NOL4: variants seen among roughly 807,000 people sequenced by gnomAD.
NOL4 encodes cancer/testis antigen 125.
Under a neutral mutation model 75.9 loss-of-function variants are expected in NOL4, and 17 were observed. That is an observed-to-expected ratio of 0.22 (90% CI 0.15 to 0.34). The LOEUF (loss-of-function observed/expected upper bound fraction) is 0.34. Among genes scored for constraint, NOL4 ranks in the 10% least tolerant of loss-of-function variants. The pLI is 1.00. For missense variants in NOL4, 614 were observed against 793.5 expected (o/e 0.77, Z 2.72); for synonymous variants, 292 against 289.9 (o/e 1.01, Z -0.07).
At chr18:33,966,735 A>C (rs1301030498) in intron 6 of NOL4, among the ~76,000 whole-genome samples, 1 of 152,162 alleles carries the variant, frequency 6.6e-6, no homozygotes, top group East Asian at 1.9e-4. Flanking sequence ...TCTCATTTAA[A>C]ATAGCCACAC....
At chr18:33,883,208 A>G in intron 10 of NOL4, 36 bp downstream of exon 10, 3 of 1,478,040 alleles carry the variant, frequency 2.0e-6, no homozygotes, top group Non-Finnish European at 1.8e-6. Flanking sequence ...AAGTATAATA[A>G]TTAAAAAAAA....
chr18:34,097,099 C>T (rs2078822596), intron 4 of NOL4, among the ~76,000 whole-genome samples: 1 of 152,150 alleles, frequency 6.6e-6, no homozygotes. Context: ...ACCAGTCCTG[C>T]CTATTAACAA....
At chr18:33,977,537 A>T (rs1045041640) in intron 6 of NOL4, among the ~76,000 whole-genome samples, 1 of 152,126 alleles carries the variant, frequency 6.6e-6, no homozygotes, top group African/African-American at 2.4e-5. Flanking sequence ...GTGGAACTGT[A>T]AGTACATTAA....
intron 6 of NOL4, among the ~76,000 whole-genome samples, chr18:33,975,103 G>T (rs993555673): frequency 2.0e-5 from 3 of 152,148 alleles, no homozygotes; most frequent in Non-Finnish European, 4.4e-5. Flanking sequence ...CTTACGTGAG[G>T]TATCTAGACC....
At chr18:33,932,126 T>C (rs983210283) in intron 9 of NOL4, among the ~76,000 whole-genome samples, 2 of 152,092 alleles carry the variant, frequency 1.3e-5, no homozygotes, top group African/African-American at 4.8e-5. Context: ...TTTAGTGCCA[T>C]AGTATCCCCA....
intron 1 of NOL4, 129 bp downstream of exon 1, chr18:34,222,861 G>A: frequency 8.0e-7 from 1 of 1,243,860 alleles, no homozygotes; most frequent in Non-Finnish European, 1.1e-6. Context: ...TGGGGAGGGG[G>A]TTGAGGAAGG....
chr18:34,102,579 G>A lies in NOL4; in HGVS notation c.639+1468C>T, dbSNP rs573807764. 2.0e-5 allele frequency among the ~76,000 whole-genome samples: 3 copies of A among 152,024 alleles called. No homozygotes were observed. The South Asian group carries it at 6.2e-4, about 32-fold the overall frequency. ...TTCTAATCTAGTTATAAATTTTAAA[G>A]GATCTATTTCTTTTGTGTAAAATAC... is the stretch of plus-strand genomic sequence containing the variant. On this transcript the variant is annotated intron_variant, in intron 4 of 10. Transcript: ENST00000261592.
At chr18:34,028,514 A>G (rs1222626960) in intron 5 of NOL4, among the ~76,000 whole-genome samples, 1 of 152,234 alleles carries the variant, frequency 6.6e-6, no homozygotes, top group Non-Finnish European at 1.5e-5. Flanking sequence ...CCCAGGCTGA[A>G]ACTGCCAAGG....
intron 1 of NOL4, among the ~76,000 whole-genome samples, chr18:34,148,528 G>A (rs947657270): frequency 6.6e-6 from 1 of 152,080 alleles, no homozygotes; most frequent in Admixed American, 6.6e-5. Flanking sequence ...ACAGTTTTGA[G>A]TGAGTTTCTT....
intron 9 of NOL4, among the ~76,000 whole-genome samples, chr18:33,889,032 A>C (rs1408758046): frequency 6.6e-6 from 1 of 152,124 alleles, no homozygotes; most frequent in Non-Finnish European, 1.5e-5. Context: ...GCAGAAATGA[A>C]GGAGATAGAG....
At chr18:33,894,611 C>A (rs2144876558) in intron 9 of NOL4, among the ~76,000 whole-genome samples, 1 of 152,224 alleles carries the variant, frequency 6.6e-6, no homozygotes, top group South Asian at 2.1e-4. Flanking sequence ...GCCAAAGTCA[C>A]CGCAGGATAC....
intron 10 of NOL4, among the ~76,000 whole-genome samples, chr18:33,861,058 G>A (rs1439951603): frequency 3.5e-4 from 53 of 152,224 alleles, no homozygotes; most frequent in Middle Eastern, 3.4e-3. Flanking sequence ...GAGGATTTTT[G>A]CATCAATGTT....
intron 5 of NOL4, among the ~76,000 whole-genome samples, chr18:34,056,215 G>C (rs2030608332): frequency 6.6e-6 from 1 of 152,082 alleles, no homozygotes; most frequent in Admixed American, 6.6e-5. Flanking sequence ...GATATTTCTT[G>C]ATATTTGAGA....
intron 1 of NOL4, among the ~76,000 whole-genome samples, chr18:34,196,155 A>G (rs768446400): frequency 2.6e-5 from 4 of 152,136 alleles, no homozygotes; most frequent in Non-Finnish European, 5.9e-5. Context: ...TGCTGAAAAC[A>G]TTGTTTCCCT....
At chr18:34,100,543 T>A (rs1228744668) in intron 4 of NOL4, among the ~76,000 whole-genome samples, 2 of 152,222 alleles carry the variant, frequency 1.3e-5, no homozygotes, top group East Asian at 3.8e-4. Context: ...AATACATTAC[T>A]GTAGACATAT....
At chr18:34,127,686 CTT>C (rs1034826369) in intron 2 of NOL4, among the ~76,000 whole-genome samples, 4 of 151,840 alleles carry the variant, frequency 2.6e-5, no homozygotes, top group African/African-American at 9.7e-5. Flanking sequence ...TAACATTAGA[CTT>C]AAATTCATTG....
chr18:33,864,222 T>C (rs2063321965), intron 10 of NOL4, among the ~76,000 whole-genome samples: 1 of 152,222 alleles, frequency 6.6e-6, no homozygotes, highest in South Asian at 2.1e-4. Context: ...TGTCTTGGTA[T>C]TGACATTCTG....
intron 1 of NOL4, among the ~76,000 whole-genome samples, chr18:34,132,132 T>C (rs2080681414): frequency 6.6e-6 from 1 of 152,206 alleles, no homozygotes; most frequent in Admixed American, 6.5e-5. Flanking sequence ...CTGCATTATA[T>C]TACCATTGTC....
chr18:33,886,881 ATATATCTAGATATAT>A (rs1373334644), intron 9 of NOL4, among the ~76,000 whole-genome samples: 24 of 140,256 alleles, frequency 1.7e-4, no homozygotes, highest in African/African-American at 5.9e-4. Flanking sequence ...ATATATATCT[ATATATCTAGATATAT>A]TATATCTAGA....
Sources: allele counts gnomAD v4.1 joint callset (sites outside exome capture counted in the v4.1 genomes callset), GRCh38; gene constraint gnomAD v4.1.1; transcripts MANE v1.5; gene names NCBI Gene and HGNC (gene_info 2026-07-23, HGNC 2026-07-21).